IL6ST: variants seen among roughly 807,000 people sequenced by gnomAD.
IL6ST encodes the protein interleukin 6 cytokine family signal transducer.
Under a neutral mutation model 91.3 loss-of-function variants are expected in IL6ST, and 24 were observed. The ratio of observed to expected loss-of-function variants is 0.26; its 90% CI spans 0.19 to 0.37. IL6ST has a LOEUF of 0.37. Among genes scored for constraint, IL6ST ranks in the 10% least tolerant of loss-of-function variants. The probability of loss-of-function intolerance (pLI) is 1.00; values close to 1 mark genes in which losing one functional copy is unlikely to be tolerated. For missense variants in IL6ST, 914 were observed against 1,078.5 expected, an observed-to-expected ratio of 0.85 and a Z score of 2.14; for synonymous variants, 351 against 373.6, an observed-to-expected ratio of 0.94 and a Z score of 0.70.
At chr5:55,988,122 C>A (rs572838416) in intron 1 of IL6ST, among the ~76,000 whole-genome samples, 2 of 144,146 alleles carry the variant, frequency 1.4e-5, no homozygotes, top group African/African-American at 2.7e-5. Context: ...CAGAGTGAGG[C>A]TCTGCCTCCA....
rs1750571399 is a variant in IL6ST at position 55,936,984 on chromosome 5, T to C, written c.*4098A>G. 1 of 200,450 alleles carries C rather than the reference T, an allele frequency of 5.0e-6. No homozygotes were observed. Among genetic ancestry groups the C allele is most frequent in the African/African-American group, 2.3e-5 (1 of 43,626 alleles). 12.4% of individuals were successfully genotyped at this position (200,450 alleles called of 1,614,324 possible). Reference sequence around the variant, plus strand: ...ATTGCACATTTATTTTTAGAGTATATTCAATACACATACATATTGAGACTA... The same window carrying C: ...ATTGCACATTTATTTTTAGAGTATACTCAATACACATACATATTGAGACTA... On this transcript the variant is annotated 3_prime_UTR_variant, in exon 17 of 17. Transcript: ENST00000381298.
chr5:55,968,622 G>A (rs1269087444), intron 4 of IL6ST, among the ~76,000 whole-genome samples: 5 of 151,960 alleles, frequency 3.3e-5, no homozygotes, highest in African/African-American at 1.2e-4. Flanking sequence ...GTCATCAACT[G>A]GTTTGTTTCA....
chr5:55,994,477 G>T (rs16876947), intron 1 of IL6ST, among the ~76,000 whole-genome samples: 2 of 152,126 alleles, frequency 1.3e-5, no homozygotes, highest in Non-Finnish European at 2.9e-5. Context: ...GTGGGATCTG[G>T]TAACAAAAAG....
At chr5:55,957,339 A>C (rs778931721) in intron 8 of IL6ST, 48 bp from the exon 9 acceptor site, 4 of 981,068 alleles carry the variant, frequency 4.1e-6, no homozygotes, top group Middle Eastern at 2.2e-4. Flanking sequence ...TTTAACAGTA[A>C]AATAAAATTC....
chr5:55,962,840 A>G (rs1288844201), intron 7 of IL6ST, among the ~76,000 whole-genome samples: 2 of 152,090 alleles, frequency 1.3e-5, no homozygotes, highest in Non-Finnish European at 2.9e-5. Context: ...CTAGGCTGGT[A>G]GTGGTAGCTC....
rs1483316717 is a variant in IL6ST at position 55,941,388 on chromosome 5, C to A, written c.2451G>T (p.Gln817His). The A allele has an allele frequency of 4.3e-6, 7 of 1,614,188 alleles. No homozygotes were observed. Among genetic ancestry groups the A allele is most frequent in the Non-Finnish European group, 5.9e-6 (7 of 1,180,000 alleles). The change falls in exon 17 of 17, where the codon CAG (glutamine) becomes CAT (histidine). Residue 817 changes from glutamine (Q) to histidine (H), a missense_variant. Transcript: ENST00000381298. ...GACTGGATTCATGCTGACTGCAGTTCTGTTTGAAGTACTGTTGCCTGGGCA... is the reference window on the plus strand; with the variant it reads ...GACTGGATTCATGCTGACTGCAGTTATGTTTGAAGTACTGTTGCCTGGGCA... ...GILPRQQYFK[Q>H]NCSQHESSPD...
intron 10 of IL6ST, 143 bp downstream of exon 10, chr5:55,955,882 T>A: frequency 2.2e-6 from 1 of 460,174 alleles, no homozygotes; most frequent in South Asian, 6.1e-5. Context: ...TTATAAAATT[T>A]AAAAAATTAA....
At chr5:55,984,898 T>C (rs1753867651) in intron 1 of IL6ST, among the ~76,000 whole-genome samples, 1 of 152,024 alleles carries the variant, frequency 6.6e-6, no homozygotes, top group Non-Finnish European at 1.5e-5. Flanking sequence ...AACTAACACA[T>C]AGTGTGTGTC....
chr5:55,968,478 C>T (rs1043802384), intron 4 of IL6ST, 82 bp from the exon 5 acceptor site: 15 of 1,299,054 alleles, frequency 1.2e-5, no homozygotes, highest in African/African-American at 6.1e-5. Context: ...AAGGCATTTG[C>T]GATCTAAATT....
chr5:55,939,738 C>T lies in IL6ST; in HGVS notation c.*1344G>A, dbSNP rs1175322999. The T allele has an allele frequency of 2.4e-5, 5 of 207,826 alleles. No homozygotes were observed. The highest frequency in any genetic ancestry group is 9.1e-5 in the African/African-American group (4 of 44,114). 12.9% of individuals were successfully genotyped at this position (207,826 alleles called of 1,614,324 possible). A position where few individuals can be genotyped will look rare whatever the true frequency, so the allele number is the denominator to read the frequency against. Reference sequence around the variant, plus strand: ...TTAGGGGACAGCATAAGTACACTAGCGGCTTTAGCACTAAACTCGAGGCCT... The same window carrying T: ...TTAGGGGACAGCATAAGTACACTAGTGGCTTTAGCACTAAACTCGAGGCCT... On this transcript the variant is annotated 3_prime_UTR_variant, in exon 17 of 17. Coordinates refer to ENST00000381298, the MANE Select transcript of IL6ST (RefSeq NM_002184.4).
At chr5:55,976,871 G>A (rs1470511582) in intron 2 of IL6ST, among the ~76,000 whole-genome samples, 3 of 152,130 alleles carry the variant, frequency 2.0e-5, no homozygotes, top group Non-Finnish European at 2.9e-5. Flanking sequence ...AGATAGGAAC[G>A]CAAAATGATA....
intron 10 of IL6ST, 33 bp downstream of exon 10, chr5:55,955,992 C>G (rs1325346726): frequency 6.7e-7 from 1 of 1,490,466 alleles, no homozygotes; most frequent in South Asian, 1.1e-5. Flanking sequence ...ATTTTTCCAC[C>G]CAAGAGTCAG....
At chr5:55,944,370 T>C (rs998085327) in intron 15 of IL6ST, among the ~76,000 whole-genome samples, 8 of 152,202 alleles carry the variant, frequency 5.3e-5, no homozygotes, top group Admixed American at 2.0e-4. Context: ...AGTCTCAGTA[T>C]ACATGATGAA....
At chr5:55,970,125 G>A (rs749446253) in intron 3 of IL6ST, among the ~76,000 whole-genome samples, 1 of 152,088 alleles carries the variant, frequency 6.6e-6, no homozygotes, top group Admixed American at 6.6e-5. Context: ...ATTTCTTTAA[G>A]AAACACAGAC....
chr5:55,969,392 C>T (rs767513168), intron 4 of IL6ST, among the ~76,000 whole-genome samples, 158 bp downstream of exon 4: 2 of 152,060 alleles, frequency 1.3e-5, no homozygotes, highest in African/African-American at 2.4e-5. Flanking sequence ...AGACAGGAGA[C>T]TTGTGGTTCC....
At chr5:55,953,035 T>C (rs1170084318) in intron 11 of IL6ST, among the ~76,000 whole-genome samples, 5 of 152,146 alleles carry the variant, frequency 3.3e-5, no homozygotes, top group Non-Finnish European at 5.9e-5. Flanking sequence ...CACTCCAGCC[T>C]GGGCGACAGA....
chr5:55,952,198 G>C lies in IL6ST; in HGVS notation c.1552+52C>G, dbSNP rs1293621919. ...TATTTAAAAGCGATAAAATGTTTCT[G>C]TTAATACAAAGCCCTAAACTTTTTT... is the stretch of plus-strand genomic sequence containing the variant. On this transcript the variant is annotated intron_variant, in intron 12 of 16. Transcript: ENST00000381298. The C allele has an allele frequency of 2.0e-6, 3 of 1,501,774 alleles. No homozygotes were observed. In the East Asian group the frequency reaches 6.8e-5, roughly 34 times the overall value. The allele number at this position is 1,501,774 out of a possible 1,614,324, so 93.0% of individuals were successfully genotyped here. A position where few individuals can be genotyped will look rare whatever the true frequency, so the allele number is the denominator to read the frequency against.
rs1008237519 is a variant in IL6ST at position 55,939,298 on chromosome 5, A to C, written c.*1784T>G. The C allele has an allele frequency of 3.4e-5, 7 of 207,102 alleles. No homozygotes were observed. The highest frequency in any genetic ancestry group is 1.9e-4 in the South Asian group (1 of 5,330). The allele number at this position is 207,102 out of a possible 1,614,324, so 12.8% of individuals were successfully genotyped here. A position where few individuals can be genotyped will look rare whatever the true frequency, so the allele number is the denominator to read the frequency against. On this transcript the variant is annotated 3_prime_UTR_variant, in exon 17 of 17. Coordinates refer to ENST00000381298, the MANE Select transcript of IL6ST (RefSeq NM_002184.4). The stretch of plus-strand genomic sequence containing the variant: ...TCTACTTTGAATTCGTCATTCTATT[A>C]ATCTACTTTTGCCTAAAGTGGGAAA...
At position 55,941,528 on chromosome 5, in the gene IL6ST, C is replaced by T; in HGVS notation, c.2311G>A (p.Val771Ile). The change falls in exon 17 of 17, where the codon GTT becomes ATT. Residue 771 changes from valine to isoleucine, a missense_variant. Val to Ile is a conservative substitution (Grantham distance 29, BLOSUM62 3). Transcript: ENST00000381298. ...TVVHSGYRHQ[V>I]PSVQVFSRSE... ...CTTGAGAAGACTTGGACTGACGGAA[C>T]TTGGTGTCTGTAGCCACTGTGTACC... is the stretch of plus-strand genomic sequence containing the variant. 6.2e-7 allele frequency: 1 copy of T among 1,614,154 alleles called. No individual in the cohort carries two copies. Among genetic ancestry groups the T allele is most frequent in the Admixed American group, 1.7e-5 (1 of 60,016 alleles).
Sources: gnomAD v4.1 joint callset for allele counts (sites outside exome capture counted in the v4.1 genomes callset) on GRCh38, gnomAD v4.1.1 for gene constraint, MANE v1.5 for transcripts, NCBI Gene and HGNC (gene_info 2026-07-23, HGNC 2026-07-21) for gene names.